The following SKAP1 variants were observed in gnomAD, a reference collection of about 807,000 sequenced individuals.
The protein encoded by SKAP1 is src kinase associated phosphoprotein 1, also known as src kinase-associated phosphoprotein 1.
Under a neutral mutation model 58.5 loss-of-function variants are expected in SKAP1, and 44 were observed. The ratio of observed to expected loss-of-function variants is 0.75; its 90% CI spans 0.59 to 0.97. SKAP1 has a LOEUF of 0.97. Among genes scored for constraint, SKAP1 ranks in the 50% least tolerant of loss-of-function variants. The probability of loss-of-function intolerance (pLI) is 0.00; values close to 1 mark genes in which losing one functional copy is unlikely to be tolerated. For missense variants in SKAP1, 390 were observed against 435.2 expected (o/e 0.90, Z 0.92); for synonymous variants, 127 against 149.7 (o/e 0.85, Z 1.11).
rs149969737 is a variant in SKAP1, at chr17:48,367,829, C to T, written c.153-4015G>A. 5.2e-4 allele frequency among the ~76,000 whole-genome samples: 78 copies of T among 150,744 alleles called. 1 individual carries two copies. Among genetic ancestry groups the T allele is most frequent in the Admixed American group, 1.3e-3 (20 of 15,112 alleles). ...ACTCGGGAGGCTGAGGTGGGAGGAT[C>T]GCTTGAACCCAGGATGTTGAGGTTG... is the stretch of plus-strand genomic sequence containing the variant. On this transcript the variant is annotated intron_variant, in intron 2 of 12. Transcript: ENST00000336915.
At chr17:48,225,989 C>A (rs549078774) in intron 4 of SKAP1, among the ~76,000 whole-genome samples, 1 of 152,176 alleles carries the variant, frequency 6.6e-6, no homozygotes, top group Admixed American at 6.5e-5. Context: ...CTTAACAAGG[C>A]GGTTAGTACA....
chr17:48,362,458 A>G (rs1567883510), intron 3 of SKAP1, among the ~76,000 whole-genome samples: 1 of 152,240 alleles, frequency 6.6e-6, no homozygotes, highest in Non-Finnish European at 1.5e-5. Context: ...TTTGGTTAAC[A>G]TCTGTTAAAC....
intron 1 of SKAP1, among the ~76,000 whole-genome samples, chr17:48,429,277 C>A (rs533710144): frequency 1.3e-5 from 2 of 152,292 alleles, no homozygotes; most frequent in East Asian, 3.9e-4. Flanking sequence ...TGACTTCCAC[C>A]ACGAAACCCA....
intron 4 of SKAP1, among the ~76,000 whole-genome samples, chr17:48,329,821 T>C (rs1179222632): frequency 6.6e-6 from 1 of 152,198 alleles, no homozygotes; most frequent in East Asian, 1.9e-4. Context: ...AAATCCTGCC[T>C]CTGCCCCCTT....
At chr17:48,388,108 T>C (rs996520631) in intron 2 of SKAP1, among the ~76,000 whole-genome samples, 1 of 152,152 alleles carries the variant, frequency 6.6e-6, no homozygotes, top group Non-Finnish European at 1.5e-5. Flanking sequence ...GTTCCTGAAA[T>C]GCAAAGTCAA....
chr17:48,261,619 T>C (rs182957340), intron 4 of SKAP1, among the ~76,000 whole-genome samples: 3 of 152,206 alleles, frequency 2.0e-5, no homozygotes, highest in Admixed American at 6.5e-5. Context: ...ATCAGAGTCA[T>C]GGGGGAACAA....
intron 3 of SKAP1, among the ~76,000 whole-genome samples, chr17:48,352,418 G>C (rs2066814186): frequency 6.6e-6 from 1 of 152,054 alleles, no homozygotes; most frequent in Non-Finnish European, 1.5e-5. Context: ...TATAAACCTA[G>C]GTATTTGGTA....
intron 1 of SKAP1, among the ~76,000 whole-genome samples, chr17:48,415,827 A>T (rs1307333761): frequency 6.6e-6 from 1 of 152,032 alleles, no homozygotes; most frequent in Non-Finnish European, 1.5e-5. Context: ...CCCAGTCACA[A>T]GTACCAGCAT....
rs576977719 is a variant in SKAP1, at chr17:48,180,746, C to T, written c.632-498G>A. Among the ~76,000 whole-genome samples, 13 of 151,946 alleles carry T rather than the reference C, an allele frequency of 8.6e-5. No individual in the cohort carries two copies. In the South Asian group the frequency reaches 1.7e-3, roughly 19 times the overall value. On this transcript the variant is annotated intron_variant, in intron 8 of 12. Coordinates refer to ENST00000336915, the MANE Select transcript of SKAP1 (RefSeq NM_003726.4). ...CTGCAGAATTTCAGACAAGTTTGTT[C>T]GCAGAGAAAAAAATGGGCAACAGTG...
At chr17:48,272,430 C>T (rs2065645511) in intron 4 of SKAP1, among the ~76,000 whole-genome samples, 1 of 152,088 alleles carries the variant, frequency 6.6e-6, no homozygotes, top group Non-Finnish European at 1.5e-5. Context: ...TCGTGTTCCT[C>T]TTCCTTTTTA....
chr17:48,355,979 G>C (rs1046463585), intron 3 of SKAP1, among the ~76,000 whole-genome samples: 9 of 152,150 alleles, frequency 5.9e-5, no homozygotes, highest in African/African-American at 2.2e-4. Flanking sequence ...AATAGGCCAG[G>C]AGCAGTGGCT....
intron 11 of SKAP1, among the ~76,000 whole-genome samples, chr17:48,153,576 G>A (rs1347560559): frequency 1.3e-5 from 2 of 152,058 alleles, no homozygotes; most frequent in East Asian, 3.8e-4. Flanking sequence ...GAAATGGGGT[G>A]GTGGGGACAG....
chr17:48,269,542 G>A (rs1348854205), intron 4 of SKAP1, among the ~76,000 whole-genome samples: 3 of 152,108 alleles, frequency 2.0e-5, no homozygotes, highest in Non-Finnish European at 2.9e-5. Context: ...AACCCACATC[G>A]CCCAAATTAT....
chr17:48,406,820 C>T (rs2067593260), intron 1 of SKAP1, among the ~76,000 whole-genome samples: 1 of 152,104 alleles, frequency 6.6e-6, no homozygotes, highest in African/African-American at 2.4e-5. Context: ...CCCGCCTCGG[C>T]CTCCCAAAGT....
intron 1 of SKAP1, among the ~76,000 whole-genome samples, chr17:48,399,032 A>G (rs1468945788): frequency 6.6e-6 from 1 of 152,072 alleles, no homozygotes; most frequent in Non-Finnish European, 1.5e-5. Context: ...AAAGAAACAA[A>G]CAAACAAACA....
intron 4 of SKAP1, among the ~76,000 whole-genome samples, chr17:48,218,490 A>G (rs963592049): frequency 1.3e-5 from 2 of 152,236 alleles, no homozygotes; most frequent in African/African-American, 4.8e-5. Context: ...ATGGAAAAGG[A>G]GTCCTATTAT....
intron 4 of SKAP1, among the ~76,000 whole-genome samples, chr17:48,268,579 C>A (rs917568307): frequency 2.6e-5 from 4 of 152,036 alleles, no homozygotes; most frequent in African/African-American, 9.7e-5. Flanking sequence ...GCAACCTCCG[C>A]CTCCTGGGTT....
At chr17:48,350,824 AATT>A (rs774810033) in intron 3 of SKAP1, among the ~76,000 whole-genome samples, 24 of 152,322 alleles carry the variant, frequency 1.6e-4, no homozygotes, top group South Asian at 1.0e-3. Context: ...AAAAATTTTA[AATT>A]ATTGTTGTTG....
At chr17:48,388,670 A>G (rs1361353843) in intron 2 of SKAP1, among the ~76,000 whole-genome samples, 2 of 152,210 alleles carry the variant, frequency 1.3e-5, no homozygotes, top group African/African-American at 4.8e-5. Context: ...CATGCATATA[A>G]TTAACTAGAC....
Sources: gnomAD v4.1 joint callset for allele counts (sites outside exome capture counted in the v4.1 genomes callset) on GRCh38, gnomAD v4.1.1 for gene constraint, MANE v1.5 for transcripts, NCBI Gene and HGNC (gene_info 2026-07-23, HGNC 2026-07-21) for gene names.